The following LRBA variants were observed in gnomAD, a reference collection of about 807,000 sequenced individuals.
LRBA encodes LPS responsive beige-like anchor protein.
A neutral mutation model predicts 330.0 loss-of-function variants in LRBA; 176 were observed. The observed-to-expected ratio is 0.53, with a 90% CI of 0.47 to 0.60. LRBA has a LOEUF of 0.60. Ranked by LOEUF, LRBA falls within the 20% of genes least tolerant of loss-of-function variation. LRBA has a pLI of 0.00. For missense variants in LRBA, 3,259 were observed against 3,444.8 expected, an observed-to-expected ratio of 0.95 and a Z score of 1.35; for synonymous variants, 1,230 against 1,193.0, an observed-to-expected ratio of 1.03 and a Z score of -0.64.
At chr4:150,411,834 C>G (rs1036020512) in intron 47 of LRBA, among the ~76,000 whole-genome samples, 2 of 152,110 alleles carry the variant, frequency 1.3e-5, no homozygotes, top group African/African-American at 4.8e-5. Context: ...AAGTAGTATG[C>G]ATTTCATGAG....
chr4:150,586,043 A>G (rs1772075899), intron 40 of LRBA, among the ~76,000 whole-genome samples: 2 of 152,208 alleles, frequency 1.3e-5, no homozygotes, highest in Non-Finnish European at 2.9e-5. Flanking sequence ...CTATTTTTCT[A>G]GTTGCTCTTC....
At chr4:150,481,012 G>A (rs961100410) in intron 42 of LRBA, among the ~76,000 whole-genome samples, 1 of 151,946 alleles carries the variant, frequency 6.6e-6, no homozygotes, top group East Asian at 1.9e-4. Flanking sequence ...TTTGATCCTC[G>A]AGTATCCACT....
chr4:150,581,962 CAGAG>C (rs955981080), intron 40 of LRBA: 3 of 129,106 alleles, frequency 2.3e-5, no homozygotes, highest in African/African-American at 9.1e-5. Context: ...GAGAGAGAGA[CAGAG>C]AGAGTTAGAG....
intron 36 of LRBA, among the ~76,000 whole-genome samples, chr4:150,722,578 C>A (rs1436225600): frequency 6.6e-6 from 1 of 151,850 alleles, no homozygotes; most frequent in Non-Finnish European, 1.5e-5. Flanking sequence ...GACTAATATC[C>A]TCAGCCTCCA....
At chr4:150,921,124 G>T in intron 5 of LRBA, 74 bp downstream of exon 5, 1 of 936,824 alleles carries the variant, frequency 1.1e-6, no homozygotes, top group Non-Finnish European at 1.7e-6. Flanking sequence ...TGTCAGGGGT[G>T]TTCACAGGGC....
chr4:150,566,860 T>A (rs963450975), intron 40 of LRBA, among the ~76,000 whole-genome samples: 1 of 152,122 alleles, frequency 6.6e-6, no homozygotes, highest in African/African-American at 2.4e-5. Context: ...AATCAGAAAT[T>A]GAAATTGATG....
chr4:150,916,156 C>G (rs186006244), intron 7 of LRBA, among the ~76,000 whole-genome samples: 1 of 152,102 alleles, frequency 6.6e-6, no homozygotes, highest in Non-Finnish European at 1.5e-5. Flanking sequence ...ATTTGCAATA[C>G]TAAAATAAAT....
intron 47 of LRBA, among the ~76,000 whole-genome samples, chr4:150,377,858 G>C (rs1010407655): frequency 1.3e-5 from 2 of 151,282 alleles, no homozygotes; most frequent in African/African-American, 4.9e-5. Context: ...ATGGTGGTAG[G>C]CACCTGTAAT....
chr4:150,356,674 A>G (rs1241000044), intron 47 of LRBA, among the ~76,000 whole-genome samples: 1 of 152,064 alleles, frequency 6.6e-6, no homozygotes, highest in African/African-American at 2.4e-5. Context: ...ATCAATCCTC[A>G]TTTAAAAAAA....
intron 43 of LRBA, among the ~76,000 whole-genome samples, chr4:150,469,709 C>T (rs1289546556): frequency 6.6e-6 from 1 of 152,022 alleles, no homozygotes; most frequent in African/African-American, 2.4e-5. Flanking sequence ...TTCTTTGCAA[C>T]ATCCCCTCAC....
At chr4:150,805,481 A>AGGAAAGGAAG in intron 33 of LRBA, among the ~76,000 whole-genome samples, 1 of 140,452 alleles carries the variant, frequency 7.1e-6, no homozygotes, top group Non-Finnish European at 1.6e-5. Flanking sequence ...AGGAAAGGAA[A>AGGAAAGGAAG]GGAAAGGAAA....
chr4:150,731,405 G>C (rs1730439376), intron 36 of LRBA, among the ~76,000 whole-genome samples: 1 of 152,150 alleles, frequency 6.6e-6, no homozygotes, highest in African/African-American at 2.4e-5. Flanking sequence ...TCCAGCAAAA[G>C]ATGAATGGAT....
intron 41 of LRBA, among the ~76,000 whole-genome samples, chr4:150,489,319 TAA>T (rs1414883870): frequency 0.099 from 3,173 of 32,128 alleles, 656 homozygotes; most frequent in Non-Finnish European, 0.13. Context: ...TAAGAATATA[TAA>T]AATATATTAC....
intron 40 of LRBA, among the ~76,000 whole-genome samples, chr4:150,506,812 T>G (rs915711242): frequency 1.3e-5 from 2 of 152,172 alleles, no homozygotes; most frequent in African/African-American, 2.4e-5. Context: ...ATGACATGAT[T>G]GTATATCTAG....
intron 2 of LRBA, among the ~76,000 whole-genome samples, chr4:150,996,194 G>A (rs1020698134): frequency 9.9e-5 from 15 of 152,106 alleles, no homozygotes; most frequent in Non-Finnish European, 1.9e-4. Flanking sequence ...TCAAGTGAAC[G>A]TTTACATCCT....
Position 150,670,097 on chromosome 4 carries a change from A to T in LRBA, c.5921+13454T>A, listed in dbSNP as rs191514280. ...TAATTAATAACTATCTTGTTGGGAG[A>T]TACTTTGAAACAATGGAATTATCTT... On this transcript the variant is annotated intron_variant, in intron 37 of 56. Coordinates refer to ENST00000651943, the MANE Select transcript of LRBA (RefSeq NM_001364905.1). Among the ~76,000 whole-genome samples, 276 of 152,260 alleles carry T rather than the reference A, an allele frequency of 1.8e-3. 3 individuals are homozygous for T. Among genetic ancestry groups the T allele is most frequent in the Middle Eastern group, 0.014 (4 of 294 alleles).
At chr4:150,896,550 T>C (rs1730109957) in intron 15 of LRBA, 94 bp from the exon 16 acceptor site, 2 of 642,218 alleles carry the variant, frequency 3.1e-6, no homozygotes, top group Non-Finnish European at 5.4e-6. Flanking sequence ...GGTCAGCTAC[T>C]ATAAATATAA....
intron 30 of LRBA, among the ~76,000 whole-genome samples, chr4:150,820,972 T>A (rs1032021689): frequency 1.3e-5 from 2 of 152,084 alleles, no homozygotes; most frequent in Non-Finnish European, 2.9e-5. Context: ...ATACAATGCA[T>A]TGGAAAACAC....
At chr4:150,952,875 C>G (rs1413607173) in intron 2 of LRBA, among the ~76,000 whole-genome samples, 2 of 152,152 alleles carry the variant, frequency 1.3e-5, no homozygotes, top group Non-Finnish European at 2.9e-5. Flanking sequence ...ATCTTTATAT[C>G]TCTGTGTATG....
Sources: allele counts gnomAD v4.1 joint callset (sites outside exome capture counted in the v4.1 genomes callset), GRCh38; gene constraint gnomAD v4.1.1; transcripts MANE v1.5; gene names NCBI Gene and HGNC (gene_info 2026-07-23, HGNC 2026-07-21).